AIDA: variants seen among roughly 807,000 people sequenced by gnomAD.
The protein encoded by AIDA is axin interactor, dorsalization-associated protein.
Under a neutral mutation model 42.7 loss-of-function variants are expected in AIDA, and 18 were observed. That is an observed-to-expected ratio of 0.42 (90% CI 0.29 to 0.63). The LOEUF (loss-of-function observed/expected upper bound fraction) is 0.63. Among genes scored for constraint, AIDA ranks in the 20% least tolerant of loss-of-function variants. The pLI, the probability that AIDA is intolerant of heterozygous loss-of-function variation, is 0.19. For missense variants in AIDA, 250 were observed against 354.1 expected (o/e 0.71, Z 2.36); for synonymous variants, 104 against 122.9 (o/e 0.85, Z 1.02).
chr1:222,679,727 A>AT (rs1309867856), intron 6 of AIDA, among the ~76,000 whole-genome samples: 4 of 152,152 alleles, frequency 2.6e-5, no homozygotes, highest in African/African-American at 9.7e-5. Context: ...TCATTTGGCC[A>AT]TTTCTTCATT....
intron 1 of AIDA, among the ~76,000 whole-genome samples, chr1:222,706,127 A>T (rs1655832236): frequency 6.6e-6 from 1 of 152,206 alleles, no homozygotes; most frequent in African/African-American, 2.4e-5. Flanking sequence ...ACAGTGAGGT[A>T]TGTATTATAC....
chr1:222,696,781 T>C (rs1031690770), intron 2 of AIDA, among the ~76,000 whole-genome samples: 2 of 152,276 alleles, frequency 1.3e-5, no homozygotes, highest in African/African-American at 4.8e-5. Flanking sequence ...CTAAGTCTTT[T>C]AAAGCATTAC....
chr1:222,696,400 G>A (rs1655523612), intron 2 of AIDA, among the ~76,000 whole-genome samples: 1 of 152,198 alleles, frequency 6.6e-6, no homozygotes, highest in Admixed American at 6.5e-5. Flanking sequence ...CTTACTAAGT[G>A]ACAGGCTCTC....
intron 1 of AIDA, among the ~76,000 whole-genome samples, chr1:222,704,325 G>A (rs1293331958): frequency 6.6e-6 from 1 of 152,034 alleles, no homozygotes; most frequent in Non-Finnish European, 1.5e-5. Flanking sequence ...CAAAATCCTA[G>A]GTATATATCC....
chr1:222,707,560 A>C (rs1408984282), intron 1 of AIDA, among the ~76,000 whole-genome samples: 1 of 151,502 alleles, frequency 6.6e-6, no homozygotes, highest in East Asian at 2.0e-4. Context: ...GTCCACTGAG[A>C]GAAATCTACA....
In AIDA at chr1:222,689,481, GTATATATATATATATATATATA is replaced by G. The variant is rs1183093082; in HGVS notation, c.290-1845_290-1824del. On this transcript the variant is annotated intron_variant, in intron 4 of 9. Transcript: ENST00000340020. ...AAAGAAAATATGTATGTGTGTGTGT[GTATATATATATATATATATATA>G]TATATATATATATATATACACACAT... Among the ~76,000 whole-genome samples, 24 of 35,364 alleles carry G rather than the reference GTATATATATATATATATATATA, an allele frequency of 6.8e-4. No homozygotes were observed. In the East Asian group the frequency reaches 7.2e-3, roughly 11 times the overall value. The allele number at this position is 35,364 out of a possible 152,430, so 23.2% of individuals were successfully genotyped here.
intron 6 of AIDA, among the ~76,000 whole-genome samples, chr1:222,677,059 T>C (rs1664558717): frequency 6.6e-6 from 1 of 152,124 alleles, no homozygotes; most frequent in Admixed American, 6.5e-5. Context: ...TTTAAAGACT[T>C]CTTAATTTTC....
At chr1:222,698,764 T>C (rs1365156018) in intron 2 of AIDA, among the ~76,000 whole-genome samples, 1 of 152,150 alleles carries the variant, frequency 6.6e-6, no homozygotes, top group African/African-American at 2.4e-5. Flanking sequence ...CAAATATTTT[T>C]AAGGGCTCAC....
intron 1 of AIDA, among the ~76,000 whole-genome samples, chr1:222,707,373 G>T (rs370753767): frequency 6.6e-6 from 1 of 152,198 alleles, no homozygotes; most frequent in East Asian, 1.9e-4. Flanking sequence ...GCCAAGGCTG[G>T]TCTTGAACTC....
chr1:222,698,991 A>C (rs1487829903), intron 2 of AIDA, among the ~76,000 whole-genome samples: 2 of 151,108 alleles, frequency 1.3e-5, no homozygotes, highest in African/African-American at 4.9e-5. Flanking sequence ...ACGCCTGGCT[A>C]ATTTTTTGTA....
At chr1:222,692,599 A>T (rs1259726932) in intron 4 of AIDA, among the ~76,000 whole-genome samples, 4 of 152,212 alleles carry the variant, frequency 2.6e-5, no homozygotes, top group Non-Finnish European at 5.9e-5. Flanking sequence ...CAAAGCACTG[A>T]ATCAGGCTCT....
intron 6 of AIDA, among the ~76,000 whole-genome samples, chr1:222,682,130 G>C (rs1297600377): frequency 6.6e-6 from 1 of 152,152 alleles, no homozygotes; most frequent in Non-Finnish European, 1.5e-5. Context: ...ACAGAGAAGA[G>C]GAAGGCTGCC....
At chr1:222,673,290 A>G in intron 8 of AIDA, 23 bp downstream of exon 8, 1 of 1,587,666 alleles carries the variant, frequency 6.3e-7, no homozygotes, top group Non-Finnish European at 8.6e-7. Context: ...ATAAGAAGCC[A>G]AGTATTATTT....
At chr1:222,703,098 A>G (rs746915143) in intron 2 of AIDA, 50 bp downstream of exon 2, 1 of 1,472,720 alleles carries the variant, frequency 6.8e-7, no homozygotes, top group African/African-American at 1.4e-5. Context: ...TCAAAAGACA[A>G]AACACTTTTT....
rs1655454399 is a variant in AIDA, at chr1:222,694,263, T to C, written c.181A>G (p.Lys61Glu). ...CATGTTGCAATTTTGCCTATGGTTTTCTGCAGGGGAATAAAAAAAGCTATA... is the reference window on the plus strand; with the variant it reads ...CATGTTGCAATTTTGCCTATGGTTTCCTGCAGGGGAATAAAAAAAGCTATA... The part of the protein sequence containing the change: ...NNSEFTEEQK[K>E]TIGKIATCLE... Residue 61 changes from lysine (K) to glutamate (E), a missense_variant and splice_region_variant, in exon 3 of 10, where the codon AAA (lysine) becomes GAA (glutamate). Coordinates refer to ENST00000340020, the MANE Select transcript of AIDA (RefSeq NM_022831.4). The C allele has an allele frequency of 1.2e-6, 2 of 1,611,052 alleles. No homozygotes were observed. The highest frequency in any genetic ancestry group is 1.7e-4 in the Middle Eastern group (1 of 6,044).
intron 6 of AIDA, among the ~76,000 whole-genome samples, chr1:222,683,086 TAA>T (rs1664681366): frequency 6.6e-6 from 1 of 152,338 alleles, no homozygotes; most frequent in South Asian, 2.1e-4. Flanking sequence ...TTTGAAATTA[TAA>T]GTTTGTTCAT....
At position 222,690,732 on chromosome 1, in the gene AIDA, T is replaced by A. The variant is rs192870818; in HGVS notation, c.289+3057A>T. 6.9e-4 allele frequency among the ~76,000 whole-genome samples: 105 copies of A among 151,600 alleles called. No homozygotes were observed. In the East Asian group the frequency reaches 0.011, roughly 16 times the overall value. On this transcript the variant is annotated intron_variant, in intron 4 of 9. Coordinates refer to ENST00000340020, the MANE Select transcript of AIDA (RefSeq NM_022831.4). Reference sequence around the variant, plus strand: ...CATACATATAATCTATACCTTCTTATATATATAATCTTATATACATAATCC... The same window carrying A: ...CATACATATAATCTATACCTTCTTAAATATATAATCTTATATACATAATCC...
At chr1:222,678,088 T>C (rs146533774) in intron 6 of AIDA, among the ~76,000 whole-genome samples, 106 of 152,212 alleles carry the variant, frequency 7.0e-4, no homozygotes, top group Middle Eastern at 3.4e-3. Context: ...ATGAGCCCAT[T>C]TCCCTGTTGT....
rs1664409090 is a variant in AIDA at position 222,669,664 on chromosome 1, A to G, written c.*229T>C. ...TTGCACAATTAATAGAAAAGTAAAA[A>G]CATGTTTCAAAATCTACAATAAACC... On this transcript the variant is annotated 3_prime_UTR_variant, in exon 10 of 10. Coordinates refer to ENST00000340020, the MANE Select transcript of AIDA (RefSeq NM_022831.4). 4.3e-6 allele frequency: 2 copies of G among 467,884 alleles called. No homozygotes were observed. The highest frequency in any genetic ancestry group is 7.0e-5 in the South Asian group (2 of 28,374). The allele number at this position is 467,884 out of a possible 1,614,324, so 29.0% of individuals were successfully genotyped here. A position where few individuals can be genotyped will look rare whatever the true frequency, so the allele number is the denominator to read the frequency against.
Sources: gnomAD v4.1 joint callset for allele counts (sites outside exome capture counted in the v4.1 genomes callset) on GRCh38, gnomAD v4.1.1 for gene constraint, MANE v1.5 for transcripts, NCBI Gene and HGNC (gene_info 2026-07-23, HGNC 2026-07-21) for gene names.